The following RAD18 variants were observed in gnomAD, a reference collection of about 807,000 sequenced individuals.
The protein encoded by RAD18 is E3 ubiquitin-protein ligase RAD18.
RAD18 carries 47 observed loss-of-function variants against 60.4 expected under a neutral mutation model. That is an observed-to-expected ratio of 0.78 (90% CI 0.62 to 0.99). The LOEUF (loss-of-function observed/expected upper bound fraction) is 0.99, where lower values mean the gene tolerates loss of function less well. Ranked by LOEUF, RAD18 falls within the 50% of genes least tolerant of loss-of-function variation. The pLI, the probability that RAD18 is intolerant of heterozygous loss-of-function variation, is 0.00. For synonymous variants in RAD18, 225 were observed against 195.5 expected (o/e 1.15, Z -1.26); for missense variants, 640 against 593.3 (o/e 1.08, Z -0.82).
chr3:8,895,204 A>G (rs986877328), intron 11 of RAD18, among the ~76,000 whole-genome samples: 1 of 152,184 alleles, frequency 6.6e-6, no homozygotes, highest in African/African-American at 2.4e-5. Context: ...ATATTCCCAC[A>G]AAAAAGGCTA....
intron 9 of RAD18, among the ~76,000 whole-genome samples, chr3:8,906,410 C>G (rs1177145896): frequency 6.6e-6 from 1 of 152,128 alleles, no homozygotes; most frequent in Non-Finnish European, 1.5e-5. Flanking sequence ...AAACCTCCCC[C>G]GAAAAGTTGT....
At chr3:8,882,330 T>A (rs554816958) in intron 12 of RAD18, among the ~76,000 whole-genome samples, 1 of 152,248 alleles carries the variant, frequency 6.6e-6, no homozygotes, top group East Asian at 1.9e-4. Flanking sequence ...CAGGCAAAGA[T>A]TCACTGCTGC....
At chr3:8,908,689 A>C (rs1940056390) in intron 9 of RAD18, among the ~76,000 whole-genome samples, 1 of 152,224 alleles carries the variant, frequency 6.6e-6, no homozygotes, top group African/African-American at 2.4e-5. Flanking sequence ...CTAGCACACT[A>C]ATAAAAACAC....
In RAD18 at chr3:8,880,903, C is replaced by A; in HGVS notation, c.*454G>T. On this transcript the variant is annotated 3_prime_UTR_variant, in exon 13 of 13. Coordinates refer to ENST00000264926, the MANE Select transcript of RAD18 (RefSeq NM_020165.4). ...TACTTACACACACCAAGGATGTGAA[C>A]TGACATCCCGCCTTTCCAAAAACAA... The A allele has an allele frequency of 6.1e-6, 1 of 163,082 alleles. No individual in the cohort carries two copies. Among genetic ancestry groups the A allele is most frequent in the Non-Finnish European group, 1.3e-5 (1 of 74,942 alleles). The allele number at this position is 163,082 out of a possible 1,614,324, so 10.1% of individuals were successfully genotyped here.
intron 9 of RAD18, among the ~76,000 whole-genome samples, chr3:8,903,355 T>A (rs1939947270): frequency 6.6e-6 from 1 of 152,160 alleles, no homozygotes; most frequent in South Asian, 2.1e-4. Context: ...CTAAGAGTAT[T>A]TGCTGAATCT....
At chr3:8,897,504 C>T (rs927428313) in intron 11 of RAD18, among the ~76,000 whole-genome samples, 3 of 152,164 alleles carry the variant, frequency 2.0e-5, no homozygotes, top group Admixed American at 6.5e-5. Flanking sequence ...TACTCATTAA[C>T]CCCACCCTGA....
chr3:8,929,472 C>T (rs1490597244), intron 7 of RAD18, among the ~76,000 whole-genome samples: 8 of 151,916 alleles, frequency 5.3e-5, no homozygotes, highest in Non-Finnish European at 1.2e-4. Context: ...ACAAAAAGAA[C>T]CCTCTGGCTA....
chr3:8,911,812 C>A (rs939551867), intron 9 of RAD18, among the ~76,000 whole-genome samples: 11 of 152,188 alleles, frequency 7.2e-5, no homozygotes, highest in Non-Finnish European at 1.3e-4. Context: ...TAACAGCTAT[C>A]TGACAAAACA....
chr3:8,902,549 G>C, intron 9 of RAD18, 29 bp from the exon 10 acceptor site: 1 of 1,573,862 alleles, frequency 6.4e-7, no homozygotes, highest in Non-Finnish European at 8.6e-7. Flanking sequence ...TCTCAGTAAA[G>C]CTAGGACTAT....
intron 6 of RAD18, among the ~76,000 whole-genome samples, chr3:8,939,253 A>G (rs1940703425): frequency 6.6e-6 from 1 of 152,180 alleles, no homozygotes; most frequent in East Asian, 1.9e-4. Context: ...GGTAGTTTTT[A>G]AAATCTAAGA....
chr3:8,929,050 T>G (rs1397609710), intron 7 of RAD18, among the ~76,000 whole-genome samples: 1 of 152,142 alleles, frequency 6.6e-6, no homozygotes, highest in Non-Finnish European at 1.5e-5. Flanking sequence ...TTTAACTGGA[T>G]GGGAAGGTAA....
rs574039539 is a variant in RAD18 at position 8,878,224 on chromosome 3, C to T, written c.*3133G>A. ...GAACCTGGGGATACCCAGAAATACACAGAAGGAATGGAGAAATGCCCCCTT... is the reference window on the plus strand; with the variant it reads ...GAACCTGGGGATACCCAGAAATACATAGAAGGAATGGAGAAATGCCCCCTT... On this transcript the variant is annotated 3_prime_UTR_variant, in exon 13 of 13. Transcript: ENST00000264926. The T allele has an allele frequency of 6.6e-6, 1 of 152,270 alleles. No homozygotes were observed. Among genetic ancestry groups the T allele is most frequent in the Admixed American group, 6.5e-5 (1 of 15,298 alleles). The allele number at this position is 152,270 out of a possible 1,614,324, so 9.4% of individuals were successfully genotyped here.
chr3:8,954,062 C>T (rs1334305252), intron 2 of RAD18, among the ~76,000 whole-genome samples: 2 of 152,190 alleles, frequency 1.3e-5, no homozygotes, highest in African/African-American at 4.8e-5. Context: ...GAAATAGCTA[C>T]ACACACAAAA....
intron 2 of RAD18, among the ~76,000 whole-genome samples, chr3:8,952,620 T>C (rs1170010337): frequency 6.6e-6 from 1 of 152,186 alleles, no homozygotes; most frequent in Non-Finnish European, 1.5e-5. Context: ...TTTGGTTAAG[T>C]CAAAAATGGA....
chr3:8,882,477 G>A (rs1321447580), intron 12 of RAD18, among the ~76,000 whole-genome samples: 1 of 152,166 alleles, frequency 6.6e-6, no homozygotes, highest in East Asian at 1.9e-4. Context: ...GAAGTGCTGA[G>A]AAAGGCCCAC....
intron 10 of RAD18, among the ~76,000 whole-genome samples, chr3:8,900,632 G>GAC (rs1156325387): frequency 3.9e-5 from 6 of 152,066 alleles, no homozygotes; most frequent in Non-Finnish European, 8.8e-5. Flanking sequence ...GCTCCCCAGA[G>GAC]ACACACAACA....
chr3:8,908,030 C>CG (rs531423364), intron 9 of RAD18, among the ~76,000 whole-genome samples: 195 of 152,246 alleles, frequency 1.3e-3, no homozygotes, highest in African/African-American at 4.5e-3. Context: ...TCCCATAATA[C>CG]GGGGGCTCAT....
chr3:8,901,134 T>C (rs1247282482), intron 10 of RAD18, among the ~76,000 whole-genome samples: 1 of 152,162 alleles, frequency 6.6e-6, no homozygotes, highest in Admixed American at 6.5e-5. Context: ...GACATACCAC[T>C]TCACATCTAC....
In RAD18 at chr3:8,947,276, C is replaced by A. The variant is rs143651419; in HGVS notation, c.210G>T (p.Pro70=). Residue 70 remains proline (P), a synonymous_variant, in exon 4 of 13, where the codon CCG becomes CCT. Transcript: ENST00000264926. ...CPTCCVTVTE[P]DLKNNRILDE... ...CTAATATGCGGTTATTTTTCAGATC[C>A]GGCTCTGTGACAGTCTAGAAAAAAC... 190 of 1,608,812 alleles carry A rather than the reference C, an allele frequency of 1.2e-4. No individual in the cohort carries two copies. Among genetic ancestry groups the A allele is most frequent in the Non-Finnish European group, 1.6e-4 (183 of 1,175,994 alleles).
Sources: allele counts gnomAD v4.1 joint callset (sites outside exome capture counted in the v4.1 genomes callset), GRCh38; gene constraint gnomAD v4.1.1; transcripts MANE v1.5; gene names NCBI Gene and HGNC (gene_info 2026-07-23, HGNC 2026-07-21).